The following RALA variants were observed in gnomAD, a reference collection of about 807,000 sequenced individuals.
RALA encodes RAS like proto-oncogene A, also known as ras-related protein Ral-A.
RALA carries 5 observed loss-of-function variants against 24.0 expected under a neutral mutation model. The ratio of observed to expected loss-of-function variants is 0.21; its 90% CI spans 0.11 to 0.44. RALA has a LOEUF of 0.44. Ranked by LOEUF, RALA falls within the 20% of genes least tolerant of loss-of-function variation. The probability of loss-of-function intolerance (pLI) is 0.99; values close to 1 mark genes in which losing one functional copy is unlikely to be tolerated. For synonymous variants in RALA, 77 were observed against 83.8 expected (o/e 0.92, Z 0.44); for missense variants, 95 against 241.2 (o/e 0.39, Z 4.01).
At chr7:39,657,476 A>G (rs1453565610) in intron 1 of RALA, among the ~76,000 whole-genome samples, 1 of 152,222 alleles carries the variant, frequency 6.6e-6, no homozygotes, top group East Asian at 1.9e-4. Flanking sequence ...AAATTGTAAA[A>G]TGGAAAGAAA....
chr7:39,696,671 T>C lies in RALA; in HGVS notation c.324-14T>C. The C allele has an allele frequency of 6.4e-7, 1 of 1,566,624 alleles. No homozygotes were observed. Among genetic ancestry groups the C allele is most frequent in the African/African-American group, 1.4e-5 (1 of 72,678 alleles). On this transcript the variant is annotated splice_polypyrimidine_tract_variant and intron_variant, in intron 3 of 4. Coordinates refer to ENST00000005257, the MANE Select transcript of RALA (RefSeq NM_005402.4). ...TATAATGTTAATATTTCTTTTTCAT[T>C]TTCTCTTATCCAGGGAGCAGATTTT...
chr7:39,672,970 C>T (rs1792416194), intron 1 of RALA, among the ~76,000 whole-genome samples: 1 of 152,122 alleles, frequency 6.6e-6, no homozygotes, highest in South Asian at 2.1e-4. Flanking sequence ...GTAAATCAAC[C>T]TTCCCTCAAA....
intron 1 of RALA, among the ~76,000 whole-genome samples, chr7:39,683,968 AT>A (rs754679493): frequency 6.6e-6 from 1 of 152,132 alleles, no homozygotes; most frequent in Non-Finnish European, 1.5e-5. Flanking sequence ...CTGTGACATG[AT>A]TATAACTGCC....
At chr7:39,665,563 A>G (rs1792271962) in intron 1 of RALA, among the ~76,000 whole-genome samples, 1 of 152,060 alleles carries the variant, frequency 6.6e-6, no homozygotes, top group Non-Finnish European at 1.5e-5. Flanking sequence ...ACTATACAGT[A>G]ATGGATTATT....
chr7:39,704,414 T>C (rs1407736728), intron 4 of RALA, among the ~76,000 whole-genome samples: 1 of 151,650 alleles, frequency 6.6e-6, no homozygotes, highest in Non-Finnish European at 1.5e-5. Flanking sequence ...CTCCGCCTCC[T>C]GAATTCAAGT....
chr7:39,630,240 TGG>T (rs1791572305), intron 1 of RALA, among the ~76,000 whole-genome samples: 2 of 112,456 alleles, frequency 1.8e-5, no homozygotes, highest in Admixed American at 9.9e-5. Flanking sequence ...TTTGTCAAGA[TGG>T]GGTTTTAACA....
intron 4 of RALA, among the ~76,000 whole-genome samples, chr7:39,699,121 A>T (rs113688683): frequency 0.092 from 5,430 of 58,776 alleles, 157 homozygotes; most frequent in African/African-American, 0.18. Context: ...TAAAAATGTT[A>T]TTTTTTTTTT....
chr7:39,635,644 C>T (rs61239015), intron 1 of RALA, among the ~76,000 whole-genome samples: 2,267 of 152,122 alleles, frequency 0.015, 40 homozygotes, highest in African/African-American at 0.05. Context: ...AGGAGGATGG[C>T]GTTGGGATGA....
At chr7:39,633,614 G>A (rs907058099) in intron 1 of RALA, among the ~76,000 whole-genome samples, 3 of 152,118 alleles carry the variant, frequency 2.0e-5, no homozygotes, top group Non-Finnish European at 4.4e-5. Flanking sequence ...ATTTTGGTGG[G>A]GACACAGCCA....
At chr7:39,682,741 C>G (rs1258642621) in intron 1 of RALA, among the ~76,000 whole-genome samples, 1 of 152,198 alleles carries the variant, frequency 6.6e-6, no homozygotes, top group Non-Finnish European at 1.5e-5. Flanking sequence ...CTCCTGAGTT[C>G]AAACGATTCT....
At chr7:39,679,458 C>T (rs746112634) in intron 1 of RALA, among the ~76,000 whole-genome samples, 34 of 152,054 alleles carry the variant, frequency 2.2e-4, no homozygotes, top group Non-Finnish European at 4.0e-4. Flanking sequence ...CCCAGTATAG[C>T]TTTATTTGTA....
At chr7:39,647,404 GT>G (rs1164658718) in intron 1 of RALA, among the ~76,000 whole-genome samples, 1 of 152,158 alleles carries the variant, frequency 6.6e-6, no homozygotes, top group Admixed American at 6.5e-5. Flanking sequence ...CTCTGTGATT[GT>G]TTCTGATCAA....
At chr7:39,699,121 ATTTTTTTTTTT>A (rs71560137) in intron 4 of RALA, among the ~76,000 whole-genome samples, 55 of 61,358 alleles carry the variant, frequency 9.0e-4, no homozygotes, top group African/African-American at 2.2e-3. Context: ...TAAAAATGTT[ATTTTTTTTTTT>A]TTTTTTTTTT....
At chr7:39,695,417 G>A (rs1182919729) in intron 3 of RALA, among the ~76,000 whole-genome samples, 1 of 150,574 alleles carries the variant, frequency 6.6e-6, no homozygotes, top group African/African-American at 2.4e-5. Flanking sequence ...TTTGGTTTTT[G>A]GTTTTTTTTT....
rs1215069866 is a variant in RALA at position 39,623,870 on chromosome 7, CCCGGGCGGCGGCGGGGGTGTGT to C, written c.-38+61_-38+82del. ...GCCGCCCGGGGAGGGACTGGGGCCA[CCCGGGCGGCGGCGGGGGTGTGT>C]CCGGGCGGCGGCGGGCCGAGGCCCT... On this transcript the variant is annotated intron_variant, in intron 1 of 4. Transcript: ENST00000005257. The surrounding 1 kb of genome is among the most constrained non-coding windows in gnomAD (Gnocchi z 4.9). 1.9e-4 allele frequency: 29 copies of C among 152,174 alleles called. No individual in the cohort carries two copies. Among genetic ancestry groups the C allele is most frequent in the South Asian group, 1.0e-3 (5 of 4,820 alleles). 9.4% of individuals were successfully genotyped at this position (152,174 alleles called of 1,614,324 possible).
intron 1 of RALA, among the ~76,000 whole-genome samples, chr7:39,640,936 A>G (rs1480615137): frequency 6.6e-6 from 1 of 152,106 alleles, no homozygotes; most frequent in African/African-American, 2.4e-5. Context: ...TTACTGGCAG[A>G]TTCTCTTCAT....
At position 39,684,848 on chromosome 7, in the gene RALA, G is replaced by T. The variant is rs551826171; in HGVS notation, c.-37-1783G>T. ...AAGCTTGGCTTAAAGCATTTCTCAG[G>T]GTTAAGTCAGACTGCAAACATTTGT... On this transcript the variant is annotated intron_variant, in intron 1 of 4. Coordinates refer to ENST00000005257, the MANE Select transcript of RALA (RefSeq NM_005402.4). 1.3e-5 allele frequency among the ~76,000 whole-genome samples: 2 copies of T among 152,234 alleles called. 1 individual carries two copies. The highest frequency in any genetic ancestry group is 4.2e-4 in the South Asian group (2 of 4,816).
chr7:39,628,470 C>A (rs1368350032), intron 1 of RALA, among the ~76,000 whole-genome samples: 7 of 152,144 alleles, frequency 4.6e-5, no homozygotes, highest in Admixed American at 3.9e-4. Context: ...AGTGCCCAAA[C>A]TTTCTCAATT....
intron 1 of RALA, among the ~76,000 whole-genome samples, chr7:39,642,302 CA>C (rs1016442063): frequency 3.2e-4 from 49 of 152,158 alleles, no homozygotes; most frequent in Admixed American, 9.8e-4. Context: ...TTTAGGCTTC[CA>C]GGGGTGGGAA....
Sources: allele counts gnomAD v4.1 joint callset (sites outside exome capture counted in the v4.1 genomes callset), GRCh38; gene constraint gnomAD v4.1.1; non-coding constraint Gnocchi (gnomAD v3.1); transcripts MANE v1.5; gene names NCBI Gene and HGNC (gene_info 2026-07-23, HGNC 2026-07-21).